CXorf38: variants seen among roughly 807,000 people sequenced by gnomAD.
CXorf38 encodes the protein uncharacterized protein CXorf38.
In CXorf38, 13 loss-of-function variants were observed where a neutral mutation model predicts 27.5. The observed-to-expected ratio is 0.47, with a 90% CI of 0.31 to 0.75. CXorf38 has a LOEUF of 0.75. Among genes scored for constraint, CXorf38 ranks in the 30% least tolerant of loss-of-function variants. The probability of loss-of-function intolerance (pLI) is 0.05; values close to 1 mark genes in which losing one functional copy is unlikely to be tolerated. For synonymous variants in CXorf38, 100 were observed against 99.8 expected (o/e 1.00, Z -0.01); for missense variants, 240 against 253.2 (o/e 0.95, Z 0.35).
rs1927733482 is a variant in CXorf38, at chrX:40,630,666, T to C, written c.909A>G (p.Gln303=). The C allele has an allele frequency of 2.5e-6, 3 of 1,210,834 alleles. No homozygotes were observed. The highest frequency in any genetic ancestry group is 5.9e-5 in the East Asian group (2 of 33,817). ...TCCCAGGTTCCTGTGAATCCAGTTT[T>C]TGATGTAGACAGAGGCTGTCTAGCT... is the stretch of plus-strand genomic sequence containing the variant. ...MQKLDSLCLH[Q]KLDSQEPGRQ... is the part of the protein sequence containing the mutation. The change falls in exon 6 of 7, where the codon CAA becomes CAG. Residue 303 remains glutamine, a synonymous_variant. Transcript: ENST00000327877.
In CXorf38 at chrX:40,647,391, G is replaced by A; in HGVS notation, c.130C>T (p.His44Tyr). The A allele has an allele frequency of 2.5e-6, 3 of 1,182,552 alleles. No individual in the cohort carries two copies. The highest frequency in any genetic ancestry group is 3.4e-6 in the Non-Finnish European group (3 of 885,454). Residue 44 changes from histidine (H) to tyrosine (Y), a missense_variant, in exon 1 of 7, where the codon CAC (histidine) becomes TAC (tyrosine). Transcript: ENST00000327877. ...GGGGCTGCGGCGAGTAGGCCGCGGTGGAAGGAGAGCACCTCGCGGCCGACG... is the reference window on the plus strand; with the variant it reads ...GGGGCTGCGGCGAGTAGGCCGCGGTAGAAGGAGAGCACCTCGCGGCCGACG... ...GFVGREVLSF[H>Y]RGLLAAAPGL...
chrX:40,645,477 T>C (rs772888050), intron 2 of CXorf38, among the ~76,000 whole-genome samples: 7 of 110,998 alleles, frequency 6.3e-5, no homozygotes, highest in Non-Finnish European at 3.8e-5. Flanking sequence ...GGCAGAGTTT[T>C]CTTTCTTTCT....
intron 5 of CXorf38, among the ~76,000 whole-genome samples, chrX:40,632,399 C>T (rs1049521958): frequency 8.9e-6 from 1 of 112,213 alleles, no homozygotes; most frequent in African/African-American, 3.2e-5. Context: ...GGTTTCAGTT[C>T]TCTTTTCCAC....
chrX:40,633,415 C>G (rs770971375), intron 5 of CXorf38, among the ~76,000 whole-genome samples: 10 of 111,591 alleles, frequency 9.0e-5, no homozygotes, highest in South Asian at 7.5e-4. Flanking sequence ...CTACTGCAAC[C>G]TGACATTCGT....
chrX:40,632,857 A>G (rs1927887973), intron 5 of CXorf38, among the ~76,000 whole-genome samples: 1 of 111,720 alleles, frequency 9.0e-6, no homozygotes, highest in Non-Finnish European at 1.9e-5. Context: ...GATCAGAAAT[A>G]AGCTACTAAA....
intron 5 of CXorf38, among the ~76,000 whole-genome samples, chrX:40,633,180 C>G (rs1927905512): frequency 9.0e-6 from 1 of 110,861 alleles, no homozygotes; most frequent in Non-Finnish European, 1.9e-5. Context: ...CGGCCCCTCC[C>G]CTCCAGTACC....
intron 5 of CXorf38, among the ~76,000 whole-genome samples, chrX:40,632,369 G>C (rs1169840335): frequency 1.8e-5 from 2 of 112,115 alleles, no homozygotes; most frequent in Non-Finnish European, 3.8e-5. Flanking sequence ...GTTCCACTTA[G>C]TTTCTTTTCT....
At position 40,632,905 on chromosome X, in the gene CXorf38, T is replaced by A. The variant is rs1353679135; in HGVS notation, c.802-2132A>T. Among the ~76,000 whole-genome samples, 3 of 112,102 alleles carry A rather than the reference T, an allele frequency of 2.7e-5. 1 individual carries two copies. In the Admixed American group the frequency reaches 2.8e-4, roughly 11 times the overall value. On this transcript the variant is annotated intron_variant, in intron 5 of 6. Transcript: ENST00000327877. ...CATCTCTGGTCCATTCCCTCCTTTT[T>A]AACTACATTCATTCAATAAATGTCC...
At chrX:40,631,252 TATACACACACACACACAC>T (rs1479691424) in intron 5 of CXorf38, among the ~76,000 whole-genome samples, 4 of 37,661 alleles carry the variant, frequency 1.1e-4, no homozygotes, top group African/African-American at 3.1e-4. Context: ...TGTATATATA[TATACACACACACACACAC>T]ACACACACAC....
Position 40,630,747 on chromosome X carries a change from C to T in CXorf38, c.828G>A (p.Lys276=). Residue 276 remains lysine, a synonymous_variant, in exon 6 of 7, where the codon AAG becomes AAA. Coordinates refer to ENST00000327877, the MANE Select transcript of CXorf38 (RefSeq NM_144970.3). ...GATCCTCATTGTTTCTCAGAAATTCCTTCACCACTTCCAGTCGATTTGAGA... is the reference window on the plus strand; with the variant it reads ...GATCCTCATTGTTTCTCAGAAATTCTTTCACCACTTCCAGTCGATTTGAGA... ...EELSNRLEVV[K]EFLRNNEDLR... 2 of 1,210,309 alleles carry T rather than the reference C, an allele frequency of 1.7e-6. No individual in the cohort carries two copies. Among genetic ancestry groups the T allele is most frequent in the East Asian group, 3.0e-5 (1 of 33,793 alleles).
rs186495972 is a variant in CXorf38, at chrX:40,647,292, G to A, written c.216+13C>T. 547 of 1,092,088 alleles carry A rather than the reference G, an allele frequency of 5.0e-4. 3 individuals carry two copies. The African/African-American group carries it at 9.8e-3, about 20-fold the overall frequency. The allele number at this position is 1,092,088 out of a possible 1,213,427, so 90.0% of individuals were successfully genotyped here. A position where few individuals can be genotyped will look rare whatever the true frequency, so the allele number is the denominator to read the frequency against. On this transcript the variant is annotated intron_variant, in intron 1 of 6. Coordinates refer to ENST00000327877, the MANE Select transcript of CXorf38 (RefSeq NM_144970.3). ...GTGGGGGCGGTGGTCAAGGCCCCGA[G>A]CCAGGTGCTCACCTGGCGGGCGCGA...
chrX:40,646,300 C>G (rs1001712097), intron 2 of CXorf38, among the ~76,000 whole-genome samples: 4 of 108,761 alleles, frequency 3.7e-5, no homozygotes, highest in Non-Finnish European at 5.7e-5. Flanking sequence ...CACACCACGG[C>G]AGCTGATCCA....
chrX:40,629,195 T>C lies in CXorf38; in HGVS notation c.*969A>G, dbSNP rs1196458543. The C allele has an allele frequency of 9.1e-6, 1 of 110,249 alleles. No individual in the cohort carries two copies. Among genetic ancestry groups the C allele is most frequent in the Non-Finnish European group, 1.9e-5 (1 of 52,792 alleles). 9.1% of individuals were successfully genotyped at this position (110,249 alleles called of 1,213,427 possible). On this transcript the variant is annotated 3_prime_UTR_variant, in exon 7 of 7. Transcript: ENST00000327877. ...ATGCCCAGGTAATTTTTAAATTTTT[T>C]TGTAGAGATGGGGTCTCGCCATCTT...
Position 40,647,372 on chromosome X carries a change from G to C in CXorf38, c.149C>G (p.Ala50Gly), listed in dbSNP as rs774172659. Residue 50 changes from alanine to glycine, a missense_variant, in exon 1 of 7, where the codon GCA becomes GGA. Coordinates refer to ENST00000327877, the MANE Select transcript of CXorf38 (RefSeq NM_144970.3). ...GGCGCGGGGCCCCAGGCCGGGGGCT[G>C]CGGCGAGTAGGCCGCGGTGGAAGGA... is the stretch of plus-strand genomic sequence containing the variant. ...VLSFHRGLLA[A>G]APGLGPRAVC... 55 of 1,167,407 alleles carry C rather than the reference G, an allele frequency of 4.7e-5. No individual in the cohort carries two copies. The highest frequency in any genetic ancestry group is 6.0e-5 in the Non-Finnish European group (53 of 878,667).
intron 5 of CXorf38, among the ~76,000 whole-genome samples, chrX:40,631,991 A>G (rs1927836240): frequency 8.9e-6 from 1 of 111,962 alleles, no homozygotes; most frequent in African/African-American, 3.3e-5. Context: ...AAACTAGCCT[A>G]GAGCTCCTGC....
chrX:40,647,482 G>C lies in CXorf38; in HGVS notation c.39C>G (p.Ala13=), dbSNP rs748585170. The change falls in exon 1 of 7, where the codon GCC becomes GCG. Residue 13 remains alanine (A), a synonymous_variant. Transcript: ENST00000327877. ...LSELAARLNC[A]EYKNWVKAGH... ...CCGCCTTCACCCAGTTCTTGTACTC[G>C]GCGCAGTTGAGGCGCGCCGCTAGCT... The C allele has an allele frequency of 1.7e-6, 2 of 1,189,075 alleles. No homozygotes were observed. The highest frequency in any genetic ancestry group is 2.3e-5 in the Admixed American group (1 of 43,523).
intron 5 of CXorf38, among the ~76,000 whole-genome samples, chrX:40,632,682 C>G (rs1049410659): frequency 3.6e-5 from 4 of 111,244 alleles, no homozygotes; most frequent in African/African-American, 1.3e-4. Flanking sequence ...ACTGAAAGTA[C>G]TAGAAAAATT....
chrX:40,636,538 C>G lies in CXorf38; in HGVS notation c.796G>C (p.Glu266Gln), dbSNP rs1928074261. The change falls in exon 5 of 7, where the codon GAA (glutamate) becomes CAA (glutamine). Residue 266 changes from glutamate to glutamine, a missense_variant. By Grantham distance (29) the Glu-to-Gln change is conservative. Coordinates refer to ENST00000327877, the MANE Select transcript of CXorf38 (RefSeq NM_144970.3). The stretch of plus-strand genomic sequence containing the variant: ...CTATAACACTTTTCTTTTACCTCTT[C>G]AGGCAACACCTCTTGTTCTTCTGCT... ...LQAEEQEVLP[E>Q]ELSNRLEVVK... 1 of 1,194,987 alleles carries G rather than the reference C, an allele frequency of 8.4e-7. No homozygotes were observed. Among genetic ancestry groups the G allele is most frequent in the Non-Finnish European group, 1.1e-6 (1 of 884,279 alleles).
chrX:40,643,027 C>T (rs775202346), intron 2 of CXorf38, among the ~76,000 whole-genome samples: 3 of 110,599 alleles, frequency 2.7e-5, no homozygotes, highest in Non-Finnish European at 5.7e-5. Context: ...CCACTCGTCT[C>T]GGCCTCCCAA....
Sources: gnomAD v4.1 joint callset for allele counts (sites outside exome capture counted in the v4.1 genomes callset) on GRCh38, gnomAD v4.1.1 for gene constraint, MANE v1.5 for transcripts, NCBI Gene and HGNC (gene_info 2026-07-23, HGNC 2026-07-21) for gene names.